Variants in HMGA2 observed in about 807,000 individuals in gnomAD.
The protein encoded by HMGA2 is high mobility group AT-hook 2.
HMGA2 carries 8 observed loss-of-function variants against 19.1 expected under a neutral mutation model. The ratio of observed to expected loss-of-function variants is 0.42; its 90% CI spans 0.25 to 0.76. HMGA2 has a LOEUF of 0.76. Ranked by LOEUF, HMGA2 falls within the 30% of genes least tolerant of loss-of-function variation. The pLI is 0.28. For synonymous variants in HMGA2, 60 were observed against 48.8 expected, an observed-to-expected ratio of 1.23 and a Z score of -0.96; for missense variants, 109 against 136.3, an observed-to-expected ratio of 0.80 and a Z score of 1.00.
At chr12:65,850,255 G>A (rs1871404381) in intron 3 of HMGA2, among the ~76,000 whole-genome samples, 1 of 152,056 alleles carries the variant, frequency 6.6e-6, no homozygotes, top group African/African-American at 2.4e-5. Flanking sequence ...GAGATCAGTT[G>A]GGATCCTTTT....
intron 3 of HMGA2, among the ~76,000 whole-genome samples, chr12:65,871,900 C>T (rs1438603763): frequency 2.0e-5 from 3 of 152,138 alleles, no homozygotes; most frequent in Non-Finnish European, 4.4e-5. Flanking sequence ...AGGCTGATGC[C>T]GCAGAAAATA....
At chr12:65,888,595 A>G (rs1243091780) in intron 3 of HMGA2, among the ~76,000 whole-genome samples, 1 of 67,962 alleles carries the variant, frequency 1.5e-5, no homozygotes. Flanking sequence ...ACAGAGTCTC[A>G]CTCTGTCGCC....
At chr12:65,869,304 CA>C (rs1872588382) in intron 3 of HMGA2, among the ~76,000 whole-genome samples, 1 of 152,138 alleles carries the variant, frequency 6.6e-6, no homozygotes, top group Non-Finnish European at 1.5e-5. Context: ...ACGACAGCAA[CA>C]ACTAGGAAAT....
intron 3 of HMGA2, among the ~76,000 whole-genome samples, chr12:65,892,355 G>A (rs768779591): frequency 6.6e-6 from 1 of 152,092 alleles, no homozygotes; most frequent in East Asian, 1.9e-4. Context: ...CCAGCACCAC[G>A]AGAGTCGTCC....
intron 3 of HMGA2, among the ~76,000 whole-genome samples, chr12:65,873,363 A>C (rs1872804932): frequency 6.6e-6 from 1 of 152,188 alleles, no homozygotes; most frequent in Non-Finnish European, 1.5e-5. Context: ...TACGGCAGCC[A>C]TCAGCAGAAA....
intron 2 of HMGA2, among the ~76,000 whole-genome samples, chr12:65,835,360 G>C (rs2120858894): frequency 6.6e-6 from 1 of 152,302 alleles, no homozygotes; most frequent in African/African-American, 2.4e-5. Context: ...AGCCTTTGTG[G>C]AGTTTGATTA....
intron 4 of HMGA2, among the ~76,000 whole-genome samples, chr12:65,960,129 T>TCC (rs2121327860): frequency 6.6e-6 from 1 of 152,310 alleles, no homozygotes; most frequent in East Asian, 1.9e-4. Flanking sequence ...GACCTCGTGA[T>TCC]CCGCCTGCCT....
intron 2 of HMGA2, among the ~76,000 whole-genome samples, chr12:65,834,972 A>T (rs1870650512): frequency 6.6e-6 from 1 of 152,336 alleles, no homozygotes; most frequent in East Asian, 1.9e-4. Context: ...ATGAGATATG[A>T]TTGTTGTAAA....
At chr12:65,923,576 A>G (rs969727766) in intron 3 of HMGA2, among the ~76,000 whole-genome samples, 1 of 152,248 alleles carries the variant, frequency 6.6e-6, no homozygotes, top group African/African-American at 2.4e-5. Flanking sequence ...AACTTAGTGA[A>G]TAATGGAAGC....
chr12:65,906,052 G>C (rs898847609), intron 3 of HMGA2, among the ~76,000 whole-genome samples: 6 of 152,226 alleles, frequency 3.9e-5, no homozygotes, highest in African/African-American at 1.4e-4. Context: ...AAACCAGCCA[G>C]AGCCTTACCA....
intron 3 of HMGA2, among the ~76,000 whole-genome samples, chr12:65,846,998 T>G (rs1871258313): frequency 6.6e-6 from 1 of 152,192 alleles, no homozygotes; most frequent in African/African-American, 2.4e-5. Flanking sequence ...ATTATATTGC[T>G]TTCCAAATCC....
Position 65,850,733 on chromosome 12 carries a change from G to C in HMGA2, c.249+12164G>C, listed in dbSNP as rs138058603. Among the ~76,000 whole-genome samples, 3 of 151,886 alleles carry C rather than the reference G, an allele frequency of 2.0e-5. No individual in the cohort carries two copies. In the East Asian group the frequency reaches 5.8e-4, roughly 29 times the overall value. On this transcript the variant is annotated intron_variant, in intron 3 of 4. Transcript: ENST00000403681. Reference sequence around the variant, plus strand: ...TGCTTTTATTTATTTTTTTATTTTTGAGTCTGAGATATTTTTGTGTCCAAG... The same window carrying C: ...TGCTTTTATTTATTTTTTTATTTTTCAGTCTGAGATATTTTTGTGTCCAAG...
chr12:65,837,374 C>T (rs932826305), intron 2 of HMGA2, among the ~76,000 whole-genome samples: 1 of 152,066 alleles, frequency 6.6e-6, no homozygotes, highest in African/African-American at 2.4e-5. Flanking sequence ...TTGTTTTTAC[C>T]AGGCAGATTG....
chr12:65,837,709 T>C (rs1870793647), intron 2 of HMGA2, among the ~76,000 whole-genome samples: 1 of 152,228 alleles, frequency 6.6e-6, no homozygotes, highest in Non-Finnish European at 1.5e-5. Context: ...TAAATAATGT[T>C]AACAACTGTG....
At chr12:65,951,639 T>C in intron 4 of HMGA2, 1 of 410,838 alleles carries the variant, frequency 2.4e-6, no homozygotes, top group Admixed American at 4.2e-5. Context: ...ACAAAGCAAA[T>C]ATAAATTCTT....
At chr12:65,867,222 G>T (rs1199016158) in intron 3 of HMGA2, among the ~76,000 whole-genome samples, 2 of 152,136 alleles carry the variant, frequency 1.3e-5, no homozygotes, top group Non-Finnish European at 2.9e-5. Flanking sequence ...GTAGAAACAG[G>T]CCCTTGTCCT....
chr12:65,946,824 CT>C (rs1181848665), intron 3 of HMGA2, among the ~76,000 whole-genome samples: 1 of 152,158 alleles, frequency 6.6e-6, no homozygotes, highest in African/African-American at 2.4e-5. Context: ...AATTCAGTAA[CT>C]TTTTTTCTTC....
chr12:65,871,921 T>G (rs1872729774), intron 3 of HMGA2, among the ~76,000 whole-genome samples: 1 of 152,230 alleles, frequency 6.6e-6, no homozygotes, highest in Non-Finnish European at 1.5e-5. Context: ...ACCAATTGCC[T>G]TCTGTGCTTT....
intron 3 of HMGA2, among the ~76,000 whole-genome samples, chr12:65,844,716 C>T (rs1187183067): frequency 1.3e-5 from 2 of 152,186 alleles, no homozygotes. Context: ...GCATGGCCAA[C>T]CTCTACCAGA....
Sources: allele counts gnomAD v4.1 joint callset (sites outside exome capture counted in the v4.1 genomes callset), GRCh38; gene constraint gnomAD v4.1.1; transcripts MANE v1.5; gene names NCBI Gene and HGNC (gene_info 2026-07-23, HGNC 2026-07-21).